SDR42E2: variants seen among roughly 807,000 people sequenced by gnomAD.
SDR42E2 encodes short chain dehydrogenase/reductase family 42E, member 2.
Under a neutral mutation model 10.5 loss-of-function variants are expected in SDR42E2, and 20 were observed. The ratio of observed to expected loss-of-function variants is 1.90; its 90% CI spans 1.34 to 2.77. The LOEUF (loss-of-function observed/expected upper bound fraction) is 2.77. SDR42E2 is among the 30% of genes most tolerant of loss of function. The probability of loss-of-function intolerance (pLI) is 0.00; values close to 1 mark genes in which losing one functional copy is unlikely to be tolerated. For synonymous variants in SDR42E2, 72 were observed against 39.2 expected, an observed-to-expected ratio of 1.84 and a Z score of -3.12; for missense variants, 162 against 104.2, an observed-to-expected ratio of 1.55 and a Z score of -2.42.
At chr16:22,179,642 T>G (rs1405576564) in intron 8 of SDR42E2, among the ~76,000 whole-genome samples, 1 of 151,940 alleles carries the variant, frequency 6.6e-6, no homozygotes, top group African/African-American at 2.4e-5. Context: ...TGAAACCCTG[T>G]CTCTACTAAA....
chr16:22,177,256 C>G (rs1158224031), intron 7 of SDR42E2, among the ~76,000 whole-genome samples: 1 of 152,148 alleles, frequency 6.6e-6, no homozygotes, highest in Non-Finnish European at 1.5e-5. Flanking sequence ...GAGTCCTTGT[C>G]TCTTAGATAT....
At chr16:22,163,355 C>T (rs1487419971) in intron 1 of SDR42E2, among the ~76,000 whole-genome samples, 2 of 152,126 alleles carry the variant, frequency 1.3e-5, no homozygotes, top group African/African-American at 4.8e-5. Context: ...GCATCCTCTC[C>T]TCTCCCTCTC....
chr16:22,169,073 A>G lies in SDR42E2; in HGVS notation c.337-372A>G, dbSNP rs1189531815. On this transcript the variant is annotated intron_variant, in intron 4 of 12. Coordinates refer to ENST00000602312, the MANE Select transcript of SDR42E2 (RefSeq NM_001394319.2). ...CAGCCCATATTACCATGTTCACCTT[A>G]CAGATAGGGAAACTGAGGCTTTGAG... Among the ~76,000 whole-genome samples, 3 of 152,032 alleles carry G rather than the reference A, an allele frequency of 2.0e-5. No homozygotes were observed. In the East Asian group the frequency reaches 5.8e-4, roughly 29 times the overall value.
intron 4 of SDR42E2, among the ~76,000 whole-genome samples, chr16:22,167,735 T>C (rs1347696968): frequency 3.3e-5 from 5 of 152,156 alleles, no homozygotes; most frequent in African/African-American, 1.2e-4. Flanking sequence ...ACTATTTAAA[T>C]AAATTGTGTT....
In SDR42E2 at chr16:22,191,176, C is replaced by T. The variant is rs186432683; in HGVS notation, c.*783C>T. On this transcript the variant is annotated 3_prime_UTR_variant, in exon 13 of 13. Coordinates refer to ENST00000602312, the MANE Select transcript of SDR42E2 (RefSeq NM_001394319.2). The stretch of plus-strand genomic sequence containing the variant: ...CTTCTGGACCTTCTCCTAGTCCCTG[C>T]CCAGTCCCGGCCCACCCCCAGATTC... 177 of 153,788 alleles carry T rather than the reference C, an allele frequency of 1.2e-3. No individual in the cohort carries two copies. The highest frequency in any genetic ancestry group is 6.0e-4 in the Non-Finnish European group (41 of 68,664). 9.5% of individuals were successfully genotyped at this position (153,788 alleles called of 1,614,324 possible).
chr16:22,182,409 A>T, intron 10 of SDR42E2, 132 bp downstream of exon 10: 1 of 387,508 alleles, frequency 2.6e-6, no homozygotes, highest in Non-Finnish European at 4.6e-6. Context: ...GTCCAGTGGT[A>T]CAATCTCAGC....
chr16:22,181,723 G>A, intron 9 of SDR42E2, 67 bp downstream of exon 9: 1 of 664,702 alleles, frequency 1.5e-6, no homozygotes, highest in Admixed American at 2.2e-5. Context: ...CCCATCCCTA[G>A]GGGATTTCTG....
intron 12 of SDR42E2, among the ~76,000 whole-genome samples, chr16:22,188,649 A>C (rs2046751192): frequency 6.6e-6 from 1 of 152,152 alleles, no homozygotes; most frequent in Non-Finnish European, 1.5e-5. Flanking sequence ...GTGCAGCTGA[A>C]TTGTGGTCAG....
intron 1 of SDR42E2, among the ~76,000 whole-genome samples, chr16:22,163,387 T>C (rs767795696): frequency 2.0e-5 from 3 of 152,094 alleles, no homozygotes; most frequent in African/African-American, 7.2e-5. Context: ...CCCCTGCTCA[T>C]GATGGTTTGC....
intron 1 of SDR42E2, among the ~76,000 whole-genome samples, chr16:22,164,711 G>A (rs34254561): frequency 0.038 from 5,822 of 152,280 alleles, 142 homozygotes; most frequent in South Asian, 0.059. Context: ...CATCAGGGTG[G>A]AGACAGGCAC....
In SDR42E2 at chr16:22,190,302, T is replaced by C. The variant is rs1252285524; in HGVS notation, c.1178T>C (p.Leu393Pro). 1 of 402,082 alleles carries C rather than the reference T, an allele frequency of 2.5e-6. No homozygotes were observed. The highest frequency in any genetic ancestry group is 3.6e-5 in the East Asian group (1 of 28,094). The allele number at this position is 402,082 out of a possible 1,614,324, so 24.9% of individuals were successfully genotyped here. A position where few individuals can be genotyped will look rare whatever the true frequency, so the allele number is the denominator to read the frequency against. The change falls in exon 13 of 13, where the codon CTG becomes CCG. Residue 393 changes from leucine to proline, a missense_variant. Transcript: ENST00000602312. ...ACGGCGCGGACCCTCCTGCGCCTGCTGCTCAGGCTGCTGCTGTTCCTCGGC... is the reference window on the plus strand; with the variant it reads ...ACGGCGCGGACCCTCCTGCGCCTGCCGCTCAGGCTGCTGCTGTTCCTCGGC... Reference protein sequence around the residue: ...GSTARTLLRLLLRLLLFLGLL... With the variant: ...GSTARTLLRLPLRLLLFLGLL...
chr16:22,191,095 C>A lies in SDR42E2; in HGVS notation c.*702C>A. 6.5e-6 allele frequency: 1 copy of A among 153,932 alleles called. No individual in the cohort carries two copies. The highest frequency in any genetic ancestry group is 1.4e-5 in the Non-Finnish European group (1 of 69,018). The allele number at this position is 153,932 out of a possible 1,614,324, so 9.5% of individuals were successfully genotyped here. On this transcript the variant is annotated 3_prime_UTR_variant, in exon 13 of 13. Transcript: ENST00000602312. ...CAGGCCCTGGCCCTGCCCCTTTTTT[C>A]CTCCCTCCGGCCTGTCCGGTTTCTG...
intron 7 of SDR42E2, among the ~76,000 whole-genome samples, chr16:22,173,252 C>T (rs1389608597): frequency 6.6e-6 from 1 of 152,168 alleles, no homozygotes; most frequent in Non-Finnish European, 1.5e-5. Flanking sequence ...AGGAGTATTG[C>T]TCTGTCACCC....
chr16:22,166,990 G>A lies in SDR42E2; in HGVS notation c.327G>A (p.Gly109=), dbSNP rs914686725. ...VFHVASYGMS[G]AEKLQKEQIE... is the part of the protein sequence containing the mutation. ...ACGTGGCTTCCTATGGAATGTCCGG[G>A]GCTGAGAAGGTGGGCTCCTCACACA... The change falls in exon 4 of 13, where the codon GGG becomes GGA. Residue 109 remains glycine (G), a synonymous_variant. Transcript: ENST00000602312. 8.5e-6 allele frequency: 6 copies of A among 702,074 alleles called. No individual in the cohort carries two copies. In the African/African-American group the frequency reaches 8.8e-5, roughly 10 times the overall value. The allele number at this position is 702,074 out of a possible 1,614,324, so 43.5% of individuals were successfully genotyped here.
intron 11 of SDR42E2, among the ~76,000 whole-genome samples, chr16:22,185,530 A>T (rs985599758): frequency 1.3e-5 from 2 of 152,184 alleles, no homozygotes; most frequent in African/African-American, 2.4e-5. Flanking sequence ...GGGAGCTTTT[A>T]AAATAGAGAA....
chr16:22,165,508 G>T, intron 1 of SDR42E2, 39 bp from the exon 2 acceptor site: 3 of 400,656 alleles, frequency 7.5e-6, no homozygotes, highest in South Asian at 2.6e-4. Flanking sequence ...GACTTGAAAC[G>T]ATTCTAGAGC....
intron 12 of SDR42E2, among the ~76,000 whole-genome samples, chr16:22,188,926 C>A (rs1407395115): frequency 6.6e-6 from 1 of 152,112 alleles, no homozygotes; most frequent in Non-Finnish European, 1.5e-5. Flanking sequence ...GGGAAGACAG[C>A]CCACTAACCA....
chr16:22,178,301 G>A, intron 8 of SDR42E2, 89 bp downstream of exon 8: 2 of 647,212 alleles, frequency 3.1e-6, no homozygotes, highest in East Asian at 2.8e-5. Context: ...CCTGGTCGCT[G>A]CATCAGTCTC....
chr16:22,173,905 G>GTATATATATATATA (rs770541596), intron 7 of SDR42E2, among the ~76,000 whole-genome samples: 30 of 115,022 alleles, frequency 2.6e-4, no homozygotes, highest in East Asian at 1.5e-3. Flanking sequence ...ATGTGTGTGT[G>GTATATATATATATA]TATATATATA....
Sources: gnomAD v4.1 joint callset for allele counts (sites outside exome capture counted in the v4.1 genomes callset) on GRCh38, gnomAD v4.1.1 for gene constraint, MANE v1.5 for transcripts, NCBI Gene and HGNC (gene_info 2026-07-23, HGNC 2026-07-21) for gene names.